The following POP4 variants were observed in gnomAD, a reference collection of about 807,000 sequenced individuals.
POP4 encodes ribonuclease P protein subunit p29.
Under a neutral mutation model 29.9 loss-of-function variants are expected in POP4, and 31 were observed. The observed-to-expected ratio is 1.04, with a 90% CI of 0.78 to 1.40. The LOEUF (loss-of-function observed/expected upper bound fraction) is 1.40. Among genes scored for constraint, POP4 ranks in the 40% most tolerant of loss-of-function variants. The pLI is 0.00. For synonymous variants in POP4, 110 were observed against 108.2 expected, an observed-to-expected ratio of 1.02 and a Z score of -0.10; for missense variants, 286 against 282.7, an observed-to-expected ratio of 1.01 and a Z score of -0.08.
chr19:29,614,457 C>T (rs1281801216), intron 6 of POP4, among the ~76,000 whole-genome samples: 1 of 152,056 alleles, frequency 6.6e-6, no homozygotes, highest in Non-Finnish European at 1.5e-5. Context: ...GCCTTACCCA[C>T]AAATCCAGAG....
intron 2 of POP4, chr19:29,610,201 T>C: frequency 1.7e-6 from 1 of 575,424 alleles, no homozygotes; most frequent in Non-Finnish European, 3.1e-6. Context: ...TGACAAACGG[T>C]CATGAATTGG....
In POP4 at chr19:29,615,489, C is replaced by A; in HGVS notation, c.*109C>A. On this transcript the variant is annotated 3_prime_UTR_variant, in exon 7 of 7. Coordinates refer to ENST00000585603, the MANE Select transcript of POP4 (RefSeq NM_006627.3). ...TAAGCCAATTCCATTTATAGACCACCTCCAGCCAGTGACGCTCCGAGTTGA... is the reference window on the plus strand; with the variant it reads ...TAAGCCAATTCCATTTATAGACCACATCCAGCCAGTGACGCTCCGAGTTGA... The A allele has an allele frequency of 8.1e-7, 1 of 1,231,484 alleles. No individual in the cohort carries two copies. The highest frequency in any genetic ancestry group is 1.1e-6 in the Non-Finnish European group (1 of 888,592). The allele number at this position is 1,231,484 out of a possible 1,614,324, so 76.3% of individuals were successfully genotyped here.
chr19:29,612,613 A>G (rs998406358), intron 5 of POP4, among the ~76,000 whole-genome samples: 1 of 152,112 alleles, frequency 6.6e-6, no homozygotes, highest in Admixed American at 6.6e-5. Context: ...CCCACTTGAC[A>G]TAGCCACCTG....
chr19:29,610,360 G>A, intron 2 of POP4, 49 bp from the exon 3 acceptor site: 1 of 1,484,416 alleles, frequency 6.7e-7, no homozygotes, highest in Non-Finnish European at 9.0e-7. Flanking sequence ...GGGATCCTGG[G>A]CTGCCCAGAC....
rs1971131220 is a variant in POP4, at chr19:29,616,344, A to T, written c.*964A>T. On this transcript the variant is annotated 3_prime_UTR_variant, in exon 7 of 7. Transcript: ENST00000585603. ...GGCTGCAGTGAGAGCGGGGCAGGGG[A>T]CCAGCCTACCAGATGGGTTGGAAAC... The T allele has an allele frequency of 6.6e-6, 1 of 152,416 alleles. No homozygotes were observed. The highest frequency in any genetic ancestry group is 2.1e-4 in the South Asian group (1 of 4,832). The allele number at this position is 152,416 out of a possible 1,614,324, so 9.4% of individuals were successfully genotyped here.
rs1971032415 is a variant in POP4, at chr19:29,608,665, T to C, written c.16T>C (p.Tyr6His). 2 of 1,613,810 alleles carry C rather than the reference T, an allele frequency of 1.2e-6. No homozygotes were observed. Among genetic ancestry groups the C allele is most frequent in the Non-Finnish European group, 1.7e-6 (2 of 1,179,808 alleles). The change falls in exon 2 of 7, where the codon TAC becomes CAC. Residue 6 changes from tyrosine to histidine, a missense_variant. Coordinates refer to ENST00000585603, the MANE Select transcript of POP4 (RefSeq NM_006627.3). ...TTTTTTTAATCCCCCAGGTGTGATCTACCATGCATTGTCTCAGAAAGAGGC... is the reference window on the plus strand; with the variant it reads ...TTTTTTTAATCCCCCAGGTGTGATCCACCATGCATTGTCTCAGAAAGAGGC... MKSVI[Y>H]HALSQKEAND...
Position 29,615,243 on chromosome 19 carries a change from G to GT in POP4, c.528dup (p.Ile177TyrfsTer30). On this transcript the variant is annotated frameshift_variant and splice_region_variant. Transcript: ENST00000585603. LOFTEE classifies it high-confidence loss of function. ...CCTGCCTTTTTTTTTTTTTTTTTCA[G>GT]TTATCCCCAAGCTAAACTGCGTGTT... 1 of 1,056,740 alleles carries GT rather than the reference G, an allele frequency of 9.5e-7. No individual in the cohort carries two copies. Among genetic ancestry groups the GT allele is most frequent in the East Asian group, 3.3e-5 (1 of 30,238 alleles). 65.5% of individuals were successfully genotyped at this position (1,056,740 alleles called of 1,614,324 possible).
intron 1 of POP4, 143 bp from the exon 2 acceptor site, chr19:29,608,514 C>G (rs1971029707): frequency 1.4e-6 from 1 of 728,904 alleles, no homozygotes; most frequent in Middle Eastern, 2.7e-4. Flanking sequence ...TCAGGATCCG[C>G]CCGCCTTGGC....
Position 29,614,069 on chromosome 19 carries a change from T to C in POP4, c.526+97T>C, listed in dbSNP as rs537788910. The C allele has an allele frequency of 5.3e-6, 8 of 1,503,796 alleles. No individual in the cohort carries two copies. In the African/African-American group the frequency reaches 9.9e-5, roughly 19 times the overall value. 93.2% of individuals were successfully genotyped at this position (1,503,796 alleles called of 1,614,324 possible). A position where few individuals can be genotyped will look rare whatever the true frequency, so the allele number is the denominator to read the frequency against. ...GGCTCCAAGAGTTTGATTTGACCCCTCAAGTCAGCGCAGATTGCAGATACT... is the reference window on the plus strand; with the variant it reads ...GGCTCCAAGAGTTTGATTTGACCCCCCAAGTCAGCGCAGATTGCAGATACT... On this transcript the variant is annotated intron_variant, in intron 6 of 6. Transcript: ENST00000585603.
intron 2 of POP4, 85 bp downstream of exon 2, chr19:29,608,794 G>A: frequency 7.7e-7 from 1 of 1,295,534 alleles, no homozygotes. Flanking sequence ...CACTGATTGA[G>A]ATGTCCTTTC....
Position 29,610,498 on chromosome 19 carries a change from G to C in POP4, c.150G>C (p.Gln50His), listed in dbSNP as rs556692615. ...PRMSPQARED[Q>H]LQRKAVVLEY... is the part of the protein sequence containing the mutation. ...TGAGCCCGCAGGCCCGCGAGGACCA[G>C]CTGCAGCGCAAGGCGGTGGTCCTGG... is the stretch of plus-strand genomic sequence containing the variant. Residue 50 changes from glutamine to histidine, a missense_variant, in exon 3 of 7, where the codon CAG becomes CAC. Gln to His is a conservative substitution (Grantham distance 24, BLOSUM62 0). Coordinates refer to ENST00000585603, the MANE Select transcript of POP4 (RefSeq NM_006627.3). The C allele has an allele frequency of 4.3e-6, 7 of 1,612,390 alleles. No homozygotes were observed. Among genetic ancestry groups the C allele is most frequent in the South Asian group, 3.3e-5 (3 of 90,784 alleles).
chr19:29,606,417 C>T, intron 1 of POP4, 92 bp downstream of exon 1: 4 of 1,412,216 alleles, frequency 2.8e-6, no homozygotes, highest in Non-Finnish European at 3.8e-6. Flanking sequence ...CTACCTGTTG[C>T]TGCGGAGTCC....
At position 29,612,102 on chromosome 19, in the gene POP4, C is replaced by A; in HGVS notation, c.363-15C>A. ...TTATCATGATGTAAACCAAGGGCTT[C>A]TGTTTACCCTGCAGGCAGCCACAGA... On this transcript the variant is annotated splice_polypyrimidine_tract_variant and intron_variant, in intron 4 of 6. Coordinates refer to ENST00000585603, the MANE Select transcript of POP4 (RefSeq NM_006627.3). 1.2e-6 allele frequency: 2 copies of A among 1,602,714 alleles called. No homozygotes were observed. Among genetic ancestry groups the A allele is most frequent in the South Asian group, 2.2e-5 (2 of 88,898 alleles).
intron 6 of POP4, 65 bp from the exon 7 acceptor site, chr19:29,615,179 G>A: frequency 4.2e-6 from 6 of 1,445,184 alleles, no homozygotes; most frequent in Non-Finnish European, 5.5e-6. Flanking sequence ...CTACCTAAAA[G>A]TAAAATATTA....
At chr19:29,613,640 G>A (rs112738304) in intron 5 of POP4, among the ~76,000 whole-genome samples, 90 of 152,260 alleles carry the variant, frequency 5.9e-4, no homozygotes, top group African/African-American at 2.0e-3. Context: ...CAGACCCTCC[G>A]AAGGACACCT....
At chr19:29,606,711 A>G (rs76594989) in intron 1 of POP4, among the ~76,000 whole-genome samples, 21 of 152,088 alleles carry the variant, frequency 1.4e-4, no homozygotes, top group African/African-American at 7.2e-5. Flanking sequence ...CTGGGGAATG[A>G]TATCACTAAC....
At chr19:29,614,233 A>G (rs1430002115) in intron 6 of POP4, among the ~76,000 whole-genome samples, 1 of 152,144 alleles carries the variant, frequency 6.6e-6, no homozygotes, top group Non-Finnish European at 1.5e-5. Context: ...GCCTCAGGGG[A>G]CCTGGGTCTG....
chr19:29,611,715 C>T, intron 3 of POP4, 147 bp from the exon 4 acceptor site: 2 of 666,524 alleles, frequency 3.0e-6, no homozygotes, highest in Non-Finnish European at 5.2e-6. Flanking sequence ...CGGTTATCAG[C>T]TCAATTGCTC....
chr19:29,615,507 C>T lies in POP4; in HGVS notation c.*127C>T, dbSNP rs559266504. ...AGACCACCTCCAGCCAGTGACGCTC[C>T]GAGTTGAGGATGTTGAACAACATGG... On this transcript the variant is annotated 3_prime_UTR_variant, in exon 7 of 7. Coordinates refer to ENST00000585603, the MANE Select transcript of POP4 (RefSeq NM_006627.3). 1.3e-4 allele frequency: 134 copies of T among 1,016,402 alleles called. No homozygotes were observed. The African/African-American group carries it at 1.8e-3, about 14-fold the overall frequency. The allele number at this position is 1,016,402 out of a possible 1,614,324, so 63.0% of individuals were successfully genotyped here.
Sources: gnomAD v4.1 joint callset for allele counts (sites outside exome capture counted in the v4.1 genomes callset) on GRCh38, gnomAD v4.1.1 for gene constraint, MANE v1.5 for transcripts, NCBI Gene and HGNC (gene_info 2026-07-23, HGNC 2026-07-21) for gene names.